The following PFDN1 variants were observed in gnomAD, a reference collection of about 807,000 sequenced individuals.
The protein encoded by PFDN1 is prefoldin subunit 1.
PFDN1 carries 6 observed loss-of-function variants against 17.3 expected under a neutral mutation model. That is an observed-to-expected ratio of 0.35 (90% confidence interval 0.19 to 0.69). PFDN1 has a LOEUF of 0.69. Among genes scored for constraint, PFDN1 ranks in the 30% least tolerant of loss-of-function variants. The pLI is 0.65. For synonymous variants in PFDN1, 58 were observed against 50.1 expected (o/e 1.16, Z -0.67); for missense variants, 113 against 146.2 (o/e 0.77, Z 1.17).
Position 140,246,026 on chromosome 5 carries a change from T to C in PFDN1, c.317A>G (p.Lys106Arg). The C allele has an allele frequency of 6.4e-7, 1 of 1,562,858 alleles. No individual in the cohort carries two copies. The highest frequency in any genetic ancestry group is 8.7e-7 in the Non-Finnish European group (1 of 1,151,932). The change falls in exon 4 of 4, where the codon AAG becomes AGG. Residue 106 changes from lysine (K) to arginine (R), a missense_variant. Transcript: ENST00000261813. ...CTCCCGGATGTTGTCCTCAGCTTCC[T>C]TAACGCTTCGCTCCAGGTAGGACTT... is the stretch of plus-strand genomic sequence containing the variant. ...QKKSYLERSVKEAEDNIREML... is the reference protein window; with the variant it reads ...QKKSYLERSVREAEDNIREML...
intron 1 of PFDN1, among the ~76,000 whole-genome samples, chr5:140,302,537 G>A (rs904740573): frequency 6.6e-6 from 1 of 152,146 alleles, no homozygotes; most frequent in Non-Finnish European, 1.5e-5. Flanking sequence ...ATCCTGAAAT[G>A]AACATTGCTG....
chr5:140,268,670 T>C (rs1316284802), intron 3 of PFDN1, among the ~76,000 whole-genome samples: 1 of 152,032 alleles, frequency 6.6e-6, no homozygotes, highest in African/African-American at 2.4e-5. Flanking sequence ...AAAAAGTTCA[T>C]AAATACTCAA....
intron 3 of PFDN1, among the ~76,000 whole-genome samples, chr5:140,250,819 A>G (rs543139955): frequency 6.6e-6 from 1 of 152,152 alleles, no homozygotes; most frequent in Non-Finnish European, 1.5e-5. Flanking sequence ...TTGCCCTCTC[A>G]CCCCCTGCCC....
At chr5:140,286,370 C>G (rs1488123586) in intron 2 of PFDN1, among the ~76,000 whole-genome samples, 3 of 139,626 alleles carry the variant, frequency 2.1e-5, no homozygotes, top group Non-Finnish European at 4.5e-5. Flanking sequence ...CAAGATCGTA[C>G]CATTGCACTC....
intron 3 of PFDN1, among the ~76,000 whole-genome samples, chr5:140,274,277 A>G (rs1177266311): frequency 6.6e-6 from 1 of 152,246 alleles, no homozygotes; most frequent in Non-Finnish European, 1.5e-5. Flanking sequence ...TACATTATAA[A>G]AAGAAAATTA....
chr5:140,252,531 G>A (rs756555190), intron 3 of PFDN1, among the ~76,000 whole-genome samples: 28 of 152,114 alleles, frequency 1.8e-4, no homozygotes, highest in Non-Finnish European at 3.1e-4. Flanking sequence ...CAAAAAAACT[G>A]AAGGCAATGG....
chr5:140,262,869 T>C (rs541589463), intron 3 of PFDN1, among the ~76,000 whole-genome samples: 14 of 152,164 alleles, frequency 9.2e-5, no homozygotes, highest in Non-Finnish European at 1.5e-4. Flanking sequence ...AGGTGTTTGT[T>C]AAATTAGCTT....
At chr5:140,269,005 A>C (rs962541845) in intron 3 of PFDN1, among the ~76,000 whole-genome samples, 45 of 152,012 alleles carry the variant, frequency 3.0e-4, no homozygotes, top group Non-Finnish European at 2.9e-4. Context: ...ATTCCAATTA[A>C]CTTTTTATTT....
At chr5:140,291,346 T>C (rs1215406907) in intron 2 of PFDN1, among the ~76,000 whole-genome samples, 2 of 152,158 alleles carry the variant, frequency 1.3e-5, no homozygotes, top group African/African-American at 2.4e-5. Context: ...TATTTGCTAA[T>C]GAGCTGAATA....
At chr5:140,258,530 G>A (rs191297552) in intron 3 of PFDN1, among the ~76,000 whole-genome samples, 6 of 151,916 alleles carry the variant, frequency 3.9e-5, no homozygotes, top group East Asian at 3.9e-4. Context: ...CACTGCAATC[G>A]TCTTGGAAAG....
chr5:140,300,942 T>C (rs1259127108), intron 1 of PFDN1, among the ~76,000 whole-genome samples: 1 of 152,168 alleles, frequency 6.6e-6, no homozygotes, highest in African/African-American at 2.4e-5. Flanking sequence ...TATTGCACAA[T>C]TAGGTTTCAA....
Position 140,246,065 on chromosome 5 carries a change from A to AT in PFDN1, c.286-9dup. 2.6e-6 allele frequency: 4 copies of AT among 1,528,136 alleles called. No homozygotes were observed. The Admixed American group carries it at 7.8e-5, about 30-fold the overall frequency. The allele number at this position is 1,528,136 out of a possible 1,614,324, so 94.7% of individuals were successfully genotyped here. On this transcript the variant is annotated splice_polypyrimidine_tract_variant and intron_variant, in intron 3 of 3. Coordinates refer to ENST00000261813, the MANE Select transcript of PFDN1 (RefSeq NM_002622.5). ...CAGGTAGGACTTTTTCTGCTGCAAT[A>AT]TGAGAGACAGACAAAGGTTAGGACC...
intron 3 of PFDN1, among the ~76,000 whole-genome samples, chr5:140,262,859 AG>A (rs1484923466): frequency 6.6e-6 from 1 of 152,174 alleles, no homozygotes; most frequent in African/African-American, 2.4e-5. Flanking sequence ...ATAAATGCAC[AG>A]GTGTTTGTTA....
chr5:140,257,502 T>C (rs953637015), intron 3 of PFDN1, among the ~76,000 whole-genome samples: 1 of 152,240 alleles, frequency 6.6e-6, no homozygotes, highest in Non-Finnish European at 1.5e-5. Context: ...TTCATTCACA[T>C]CTTAGCTGAA....
chr5:140,270,681 T>C (rs1765193415), intron 3 of PFDN1, among the ~76,000 whole-genome samples: 1 of 152,128 alleles, frequency 6.6e-6, no homozygotes, highest in Admixed American at 6.5e-5. Flanking sequence ...ATCCCAGCAC[T>C]TTGGGAGGCC....
chr5:140,299,627 A>G (rs1483160023), intron 2 of PFDN1, among the ~76,000 whole-genome samples: 2 of 152,026 alleles, frequency 1.3e-5, no homozygotes, highest in Non-Finnish European at 2.9e-5. Flanking sequence ...TTTAAAGTCT[A>G]AACTTAAACA....
Position 140,275,136 on chromosome 5 carries a change from C to A in PFDN1, c.285+6313G>T, listed in dbSNP as rs139427130. On this transcript the variant is annotated intron_variant, in intron 3 of 3. Transcript: ENST00000261813. Reference sequence around the variant, plus strand: ...ATTAAGACACTGCTTGTGCCAGGCGCGGTGGCTCACACCTGTAATCCCAGC... The same window carrying A: ...ATTAAGACACTGCTTGTGCCAGGCGAGGTGGCTCACACCTGTAATCCCAGC... 2.5e-3 allele frequency among the ~76,000 whole-genome samples: 378 copies of A among 152,108 alleles called. 2 individuals carry two copies. The highest frequency in any genetic ancestry group is 8.8e-3 in the African/African-American group (365 of 41,486).
intron 3 of PFDN1, among the ~76,000 whole-genome samples, chr5:140,268,511 G>A (rs1765163666): frequency 6.6e-6 from 1 of 151,980 alleles, no homozygotes; most frequent in African/African-American, 2.4e-5. Flanking sequence ...GCCGGTTATG[G>A]TGGCGCACCC....
intron 2 of PFDN1, among the ~76,000 whole-genome samples, chr5:140,295,825 T>C (rs370260877): frequency 6.6e-6 from 1 of 152,044 alleles, no homozygotes; most frequent in East Asian, 1.9e-4. Flanking sequence ...GGGTCTGCAA[T>C]GATTTGTTTA....
Sources: allele counts gnomAD v4.1 joint callset (sites outside exome capture counted in the v4.1 genomes callset), GRCh38; gene constraint gnomAD v4.1.1; transcripts MANE v1.5; gene names NCBI Gene and HGNC (gene_info 2026-07-23, HGNC 2026-07-21).